FCER1A: variants seen among roughly 807,000 people sequenced by gnomAD.
The protein encoded by FCER1A is Fc epsilon receptor Ia, also known as high affinity immunoglobulin epsilon receptor subunit alpha.
In FCER1A, 24 loss-of-function variants were observed where a neutral mutation model predicts 23.6. The ratio of observed to expected loss-of-function variants is 1.02; its 90% CI spans 0.74 to 1.43. The LOEUF (loss-of-function observed/expected upper bound fraction) is 1.43, where lower values mean the gene tolerates loss of function less well. Among genes scored for constraint, FCER1A ranks in the 40% most tolerant of loss-of-function variants. The pLI, the probability that FCER1A is intolerant of heterozygous loss-of-function variation, is 0.00. For missense variants in FCER1A, 318 were observed against 294.5 expected, an observed-to-expected ratio of 1.08 and a Z score of -0.58; for synonymous variants, 121 against 108.8, an observed-to-expected ratio of 1.11 and a Z score of -0.70.
chr1:159,286,584 G>A (rs1051713868), upstream of FCER1A, among the ~76,000 whole-genome samples: 4 of 152,106 alleles, frequency 2.6e-5, no homozygotes, highest in Non-Finnish European at 5.9e-5. Flanking sequence ...CGCCCGCCTT[G>A]GCCTCCCAAA....
At position 159,306,008 on chromosome 1, in the gene FCER1A, T is replaced by G; in HGVS notation, c.352T>G (p.Ser118Ala). ...TTCAGACTGGCTGCTCCTTCAGGCC[T>G]CTGCTGAGGTGGTGATGGAGGGCCA... ...VFSDWLLLQASAEVVMEGQPL... is the reference protein window; with the variant it reads ...VFSDWLLLQAAAEVVMEGQPL... The change falls in exon 4 of 5, where the codon TCT (serine) becomes GCT (alanine). Residue 118 changes from serine to alanine, a missense_variant. By Grantham distance (99) the Ser-to-Ala change is moderately conservative. Coordinates refer to ENST00000693622, the MANE Select transcript of FCER1A (RefSeq NM_001387280.1). 6.2e-7 allele frequency: 1 copy of G among 1,613,838 alleles called. No homozygotes were observed. Among genetic ancestry groups the G allele is most frequent in the Non-Finnish European group, 8.5e-7 (1 of 1,179,860 alleles).
At chr1:159,306,283 G>A (rs1652612818) in intron 4 of FCER1A, 38 bp downstream of exon 4, 2 of 1,598,896 alleles carry the variant, frequency 1.3e-6, no homozygotes, top group Non-Finnish European at 1.7e-6. Flanking sequence ...TCCATAGCAG[G>A]GGAAGGAAGA....
chr1:159,294,179 G>C (rs1652236616), intron 1 of FCER1A, among the ~76,000 whole-genome samples: 1 of 152,152 alleles, frequency 6.6e-6, no homozygotes. Flanking sequence ...CAGGGATCTA[G>C]AACTAGAAAT....
At chr1:159,288,495 G>A (rs1380319116), upstream of FCER1A, among the ~76,000 whole-genome samples, 1 of 152,164 alleles carries the variant, frequency 6.6e-6, no homozygotes, top group Non-Finnish European at 1.5e-5. Context: ...ACTGGATGTG[G>A]TCATTTAGTG....
chr1:159,307,318 A>G (rs1652644875), intron 4 of FCER1A, among the ~76,000 whole-genome samples: 1 of 152,246 alleles, frequency 6.6e-6, no homozygotes, highest in Admixed American at 6.5e-5. Flanking sequence ...ATTGGAAGGC[A>G]ATTTAACTAG....
intron 3 of FCER1A, among the ~76,000 whole-genome samples, chr1:159,305,183 A>G (rs1652563412): frequency 6.6e-6 from 1 of 152,262 alleles, no homozygotes; most frequent in South Asian, 2.1e-4. Flanking sequence ...AATGTAGAAT[A>G]GCTTCTTTAT....
upstream of FCER1A, among the ~76,000 whole-genome samples, chr1:159,285,960 G>A (rs1038591640): frequency 7.9e-5 from 12 of 152,084 alleles, no homozygotes; most frequent in African/African-American, 2.9e-4. Context: ...CAAGGCAGCC[G>A]GATCACTTGA....
chr1:159,307,477 T>C (rs2102236166), intron 4 of FCER1A, among the ~76,000 whole-genome samples: 1 of 152,316 alleles, frequency 6.6e-6, no homozygotes, highest in Admixed American at 6.5e-5. Context: ...AAGGGGTTTA[T>C]CTTTCCTATT....
chr1:159,306,514 C>A (rs979637726), intron 4 of FCER1A, among the ~76,000 whole-genome samples: 2 of 152,094 alleles, frequency 1.3e-5, no homozygotes, highest in African/African-American at 4.8e-5. Context: ...ACTTTGTAAA[C>A]TGTTAAGCAC....
At chr1:159,286,554 G>C (rs577539173), upstream of FCER1A, among the ~76,000 whole-genome samples, 16 of 152,186 alleles carry the variant, frequency 1.1e-4, no homozygotes, top group South Asian at 2.1e-4. Context: ...GGATGGTCTC[G>C]ATCTCCTGAC....
intron 1 of FCER1A, among the ~76,000 whole-genome samples, chr1:159,290,810 A>G (rs1487488107): frequency 2.0e-5 from 3 of 152,116 alleles, no homozygotes; most frequent in Non-Finnish European, 4.4e-5. Context: ...TAGTTTCTCC[A>G]TTATTCTTCC....
chr1:159,305,893 T>C, intron 3 of FCER1A, 95 bp from the exon 4 acceptor site: 1 of 1,113,800 alleles, frequency 9.0e-7, no homozygotes, highest in Non-Finnish European at 1.3e-6. Context: ...AATTCATAGT[T>C]TCTGACACAT....
upstream of FCER1A, among the ~76,000 whole-genome samples, chr1:159,285,695 C>A (rs1250905985): frequency 6.6e-6 from 1 of 151,858 alleles, no homozygotes; most frequent in Admixed American, 6.6e-5. Context: ...AAGTATGTTA[C>A]AAATATTGCA....
In FCER1A at chr1:159,303,957, C is replaced by A; in HGVS notation, c.106C>A (p.Pro36Thr). 1 of 1,611,090 alleles carries A rather than the reference C, an allele frequency of 6.2e-7. No homozygotes were observed. The highest frequency in any genetic ancestry group is 8.5e-7 in the Non-Finnish European group (1 of 1,177,360). Residue 36 changes from proline (P) to threonine (T), a missense_variant, in exon 3 of 5, where the codon CCT becomes ACT. Coordinates refer to ENST00000693622, the MANE Select transcript of FCER1A (RefSeq NM_001387280.1). Reference protein sequence around the residue: ...VPQKPKVSLNPPWNRIFKGEN... With the variant: ...VPQKPKVSLNTPWNRIFKGEN... Reference sequence around the variant, plus strand: ...TCAGAAACCTAAGGTCTCCTTGAACCCTCCATGGAATAGAATATTTAAAGG... The same window carrying A: ...TCAGAAACCTAAGGTCTCCTTGAACACTCCATGGAATAGAATATTTAAAGG...
chr1:159,305,930 A>G, intron 3 of FCER1A, 58 bp from the exon 4 acceptor site: 2 of 1,481,936 alleles, frequency 1.3e-6, no homozygotes, highest in East Asian at 2.3e-5. Flanking sequence ...TCTTTTCTCT[A>G]TTCATTCTCT....
chr1:159,304,251 A>G, intron 3 of FCER1A, 69 bp downstream of exon 3: 5 of 1,496,950 alleles, frequency 3.3e-6, no homozygotes, highest in Non-Finnish European at 3.7e-6. Flanking sequence ...ATGGGAAAAA[A>G]CAGGTTATTC....
At chr1:159,284,617 G>C in the FCER1A span, among the ~76,000 whole-genome samples, 150,503 of 152,370 alleles carry the variant, frequency 0.99, 74,339 homozygotes, top group East Asian at 1. Flanking sequence ...TAACGTAAAT[G>C]ACTTGTGATT....
chr1:159,294,493 G>C (rs1652244839), intron 1 of FCER1A, among the ~76,000 whole-genome samples: 1 of 152,020 alleles, frequency 6.6e-6, no homozygotes, highest in Admixed American at 6.6e-5. Flanking sequence ...AAAACAGATT[G>C]TCCTTGTACG....
chr1:159,297,884 T>C (rs1384624223), upstream of FCER1A, among the ~76,000 whole-genome samples: 2 of 152,042 alleles, frequency 1.3e-5, no homozygotes, highest in East Asian at 1.9e-4. Context: ...CAAAAAAAAT[T>C]TTTTTTAAAG....
Sources: allele counts gnomAD v4.1 joint callset (sites outside exome capture counted in the v4.1 genomes callset), GRCh38; gene constraint gnomAD v4.1.1; transcripts MANE v1.5; gene names NCBI Gene and HGNC (gene_info 2026-07-23, HGNC 2026-07-21).